CASTOR2: variants seen among roughly 807,000 people sequenced by gnomAD.
The protein encoded by CASTOR2 is GATS protein like 2.
Under a neutral mutation model 31.2 loss-of-function variants are expected in CASTOR2, and 8 were observed. The ratio of observed to expected loss-of-function variants is 0.26; its 90% CI spans 0.15 to 0.46. The LOEUF (loss-of-function observed/expected upper bound fraction) is 0.46. CASTOR2 is among the 20% of genes least tolerant of loss of function. CASTOR2 has a pLI of 0.99. For missense variants in CASTOR2, 216 were observed against 382.1 expected (o/e 0.57, Z 3.62); for synonymous variants, 162 against 158.7 (o/e 1.02, Z -0.16).
In CASTOR2 at chr7:75,017,615, C is replaced by A; in HGVS notation, c.202C>A (p.His68Asn). ...CCCTCCAGAGCTGCCCTCCTCGGAG[C>A]ACCTGAGTGTGGCAGATGCCACCTG... ...EGFLELPSSE[H>N]LSVADATWLA... Residue 68 changes from histidine to asparagine, a missense_variant, in exon 3 of 9, where the codon CAC becomes AAC. Physicochemically the swap from His to Asn is moderately conservative, Grantham distance 68 (BLOSUM62 1). Transcript: ENST00000616305. The A allele has an allele frequency of 6.2e-7, 1 of 1,614,018 alleles. No homozygotes were observed. Among genetic ancestry groups the A allele is most frequent in the Non-Finnish European group, 8.5e-7 (1 of 1,179,882 alleles).
intron 1 of CASTOR2, among the ~76,000 whole-genome samples, chr7:74,995,770 T>C (rs1584467197): frequency 6.6e-6 from 1 of 150,628 alleles, no homozygotes; most frequent in East Asian, 2.0e-4. Flanking sequence ...ATCACGCCAC[T>C]GCGCTCCAGC....
Position 75,030,429 on chromosome 7 carries a change from C to T in CASTOR2, c.*5730C>T, listed in dbSNP as rs1248285748. Among the ~76,000 whole-genome samples, 2 of 152,042 alleles carry T rather than the reference C, an allele frequency of 1.3e-5. No homozygotes were observed. Among genetic ancestry groups the T allele is most frequent in the Non-Finnish European group, 1.5e-5 (1 of 68,006 alleles). The stretch of plus-strand genomic sequence containing the variant: ...CCTGGCTCCAGGGGAGAGGGTGGGG[C>T]GTCTCTGGTAGGACGGCCTCACCCC... On this transcript the variant is annotated 3_prime_UTR_variant, in exon 9 of 9. Transcript: ENST00000616305.
chr7:75,007,963 T>C lies in CASTOR2; in HGVS notation c.114-31T>C, dbSNP rs1554438937. Reference sequence around the variant, plus strand: ...GCCCCAGGGGACCTGCCTGGACTAATGAGATATTCTGTGTCTGTCCATCCA... The same window carrying C: ...GCCCCAGGGGACCTGCCTGGACTAACGAGATATTCTGTGTCTGTCCATCCA... On this transcript the variant is annotated intron_variant, in intron 1 of 8. Coordinates refer to ENST00000616305, the MANE Select transcript of CASTOR2 (RefSeq NM_001145064.3). 33 of 1,565,614 alleles carry C rather than the reference T, an allele frequency of 2.1e-5. No homozygotes were observed. The African/African-American group carries it at 3.9e-4, about 19-fold the overall frequency.
chr7:74,990,279 TC>T, intron 1 of CASTOR2, among the ~76,000 whole-genome samples: 1 of 150,874 alleles, frequency 6.6e-6, no homozygotes, highest in East Asian at 2.0e-4. Context: ...TCCCAGCTAC[TC>T]GGGAGGCTGA....
At chr7:75,007,616 C>T (rs1804635692) in intron 1 of CASTOR2, among the ~76,000 whole-genome samples, 1 of 152,098 alleles carries the variant, frequency 6.6e-6, no homozygotes, top group Non-Finnish European at 1.5e-5. Flanking sequence ...CTAGAGGTTA[C>T]AGTGGCAGAG....
intron 5 of CASTOR2, 93 bp from the exon 6 acceptor site, chr7:75,019,946 C>T: frequency 8.2e-7 from 1 of 1,224,778 alleles, no homozygotes; most frequent in South Asian, 1.4e-5. Context: ...CAGGTGGCAT[C>T]AAAGCCTGGG....
At chr7:74,996,742 T>TC (rs1804360043) in intron 1 of CASTOR2, among the ~76,000 whole-genome samples, 1 of 132,596 alleles carries the variant, frequency 7.5e-6, no homozygotes, top group African/African-American at 2.9e-5. Context: ...TTTTTTTTTT[T>TC]TTTGGAGACA....
intron 2 of CASTOR2, among the ~76,000 whole-genome samples, chr7:75,012,894 C>T (rs1423092403): frequency 6.6e-6 from 1 of 152,062 alleles, no homozygotes; most frequent in Non-Finnish European, 1.5e-5. Flanking sequence ...CCGCCTCAGC[C>T]TTCCAAATTT....
In CASTOR2 at chr7:75,027,922, G is replaced by T; in HGVS notation, c.*3223G>T. The T allele has an allele frequency of 1.6e-6, 2 of 1,212,594 alleles. No individual in the cohort carries two copies. The highest frequency in any genetic ancestry group is 2.3e-6 in the Non-Finnish European group (2 of 854,342). 75.1% of individuals were successfully genotyped at this position (1,212,594 alleles called of 1,614,324 possible). ...ATCTCCTGGTCTGCTGGGTGGGAGG[G>T]TCTCTCCAGGCCCCAGACCCCACTT... On this transcript the variant is annotated 3_prime_UTR_variant, in exon 9 of 9. Coordinates refer to ENST00000616305, the MANE Select transcript of CASTOR2 (RefSeq NM_001145064.3).
intron 1 of CASTOR2, among the ~76,000 whole-genome samples, chr7:74,987,231 C>A (rs1367376623): frequency 3.9e-5 from 6 of 151,974 alleles, no homozygotes; most frequent in Non-Finnish European, 4.4e-5. Context: ...ATGGTGAAAC[C>A]CCATCTCTAC....
rs1367729655 is a variant in CASTOR2, at chr7:74,997,485, G to A, written c.114-10509G>A. Among the ~76,000 whole-genome samples, 3 of 151,480 alleles carry A rather than the reference G, an allele frequency of 2.0e-5. No individual in the cohort carries two copies. In the East Asian group the frequency reaches 5.8e-4, roughly 29 times the overall value. On this transcript the variant is annotated intron_variant, in intron 1 of 8. Coordinates refer to ENST00000616305, the MANE Select transcript of CASTOR2 (RefSeq NM_001145064.3). The stretch of plus-strand genomic sequence containing the variant: ...AGTCTTGCTAGTCCGGAGAGCAGTG[G>A]CGTGATCTTAGCTCACTGCAGCCTC...
intron 1 of CASTOR2, among the ~76,000 whole-genome samples, chr7:74,972,499 A>C (rs1360405708): frequency 6.6e-6 from 1 of 150,724 alleles, no homozygotes; most frequent in Non-Finnish European, 1.5e-5. Flanking sequence ...ATTGGCAAAA[A>C]CTACACAGGC....
At chr7:74,985,761 G>T (rs1187791335) in intron 1 of CASTOR2, among the ~76,000 whole-genome samples, 1 of 151,978 alleles carries the variant, frequency 6.6e-6, no homozygotes, top group African/African-American at 2.4e-5. Context: ...GGTGGCCTGA[G>T]GGTTAGATGG....
At chr7:75,009,549 T>G (rs1554439140) in intron 2 of CASTOR2, among the ~76,000 whole-genome samples, 1 of 151,770 alleles carries the variant, frequency 6.6e-6, no homozygotes, top group Non-Finnish European at 1.5e-5. Context: ...ATTACAGGCG[T>G]GAGCCACCGC....
In CASTOR2 at chr7:75,017,762, C is replaced by T. The variant is rs1804899130; in HGVS notation, c.349C>T (p.Leu117=). The change falls in exon 3 of 9, where the codon CTG becomes TTG. Residue 117 remains leucine, a synonymous_variant. Transcript: ENST00000616305. ...LADQNISVFM[L]STYQTDFILV... ...TGACCAGAACATATCCGTGTTCATG[C>T]TGTCCACGTATCAGACAGACTTCAT... is the stretch of plus-strand genomic sequence containing the variant. 1 of 1,613,910 alleles carries T rather than the reference C, an allele frequency of 6.2e-7. No individual in the cohort carries two copies.
intron 1 of CASTOR2, among the ~76,000 whole-genome samples, chr7:75,000,671 T>A (rs1315708018): frequency 6.6e-6 from 1 of 152,046 alleles, no homozygotes; most frequent in African/African-American, 2.4e-5. Context: ...TGTTTGTTTG[T>A]TTTTGAGATG....
rs1554434569 is a variant in CASTOR2, at chr7:74,965,859, C to CACACACACAT, written c.113+770_113+771insTACACACACA. ...AAGGTAAAAGAGGGAATCACACACACACACACACACACACACACACACACT... is the reference window on the plus strand; with the variant it reads ...AAGGTAAAAGAGGGAATCACACACACACACACACATACACACACACACACACACACACACT... On this transcript the variant is annotated intron_variant, in intron 1 of 8. Transcript: ENST00000616305. Among the ~76,000 whole-genome samples, 2 of 16,704 alleles carry CACACACACAT rather than the reference C, an allele frequency of 1.2e-4. 1 individual carries two copies. The highest frequency in any genetic ancestry group is 2.0e-3 in the Admixed American group (2 of 1,002). 11.0% of individuals were successfully genotyped at this position (16,704 alleles called of 152,430 possible). A position where few individuals can be genotyped will look rare whatever the true frequency, so the allele number is the denominator to read the frequency against.
chr7:75,014,419 C>CAA lies in CASTOR2; in HGVS notation c.185-3159_185-3158dup, dbSNP rs1193842037. Among the ~76,000 whole-genome samples the CAA allele has an allele frequency of 2.3e-3, 134 of 57,548 alleles. 3 individuals carry two copies. Among genetic ancestry groups the CAA allele is most frequent in the Admixed American group, 4.5e-3 (21 of 4,642 alleles). The allele number at this position is 57,548 out of a possible 152,430, so 37.8% of individuals were successfully genotyped here. On this transcript the variant is annotated intron_variant, in intron 2 of 8. Coordinates refer to ENST00000616305, the MANE Select transcript of CASTOR2 (RefSeq NM_001145064.3). ...TGAAACCCCTTCTCTACTAAAAATA[C>CAA]AAAAAAAAAAAAAAAAAAAAAGTAG...
intron 2 of CASTOR2, among the ~76,000 whole-genome samples, chr7:75,013,986 C>T (rs1584475088): frequency 6.6e-6 from 1 of 152,086 alleles, no homozygotes; most frequent in Admixed American, 6.6e-5. Flanking sequence ...GCCTTGGCCT[C>T]CCAAAGCACT....
Sources: gnomAD v4.1 joint callset for allele counts (sites outside exome capture counted in the v4.1 genomes callset) on GRCh38, gnomAD v4.1.1 for gene constraint, MANE v1.5 for transcripts, NCBI Gene and HGNC (gene_info 2026-07-23, HGNC 2026-07-21) for gene names.